SCAPER: variants seen among roughly 807,000 people sequenced by gnomAD.
The protein encoded by SCAPER is S phase cyclin A-associated protein in the endoplasmic reticulum.
In SCAPER, 98 loss-of-function variants were observed where a neutral mutation model predicts 182.2. The ratio of observed to expected loss-of-function variants is 0.54; its 90% CI spans 0.46 to 0.64. The LOEUF (loss-of-function observed/expected upper bound fraction) is 0.64, where lower values mean the gene tolerates loss of function less well. Among genes scored for constraint, SCAPER ranks in the 30% least tolerant of loss-of-function variants. The pLI is 0.00. For missense variants in SCAPER, 1,432 were observed against 1,690.0 expected, an observed-to-expected ratio of 0.85 and a Z score of 2.68; for synonymous variants, 605 against 564.6, an observed-to-expected ratio of 1.07 and a Z score of -1.01.
intron 23 of SCAPER, among the ~76,000 whole-genome samples, chr15:76,515,344 C>G (rs1040370322): frequency 6.6e-6 from 1 of 152,178 alleles, no homozygotes; most frequent in African/African-American, 2.4e-5. Context: ...TGGTCTTTCT[C>G]TTTCTTTTTA....
At chr15:76,787,122 G>A (rs1226403150) in intron 8 of SCAPER, among the ~76,000 whole-genome samples, 1 of 152,032 alleles carries the variant, frequency 6.6e-6, no homozygotes. Flanking sequence ...TAACATTTTT[G>A]ATGTAAATAA....
At chr15:76,840,349 G>A (rs188452679) in intron 5 of SCAPER, among the ~76,000 whole-genome samples, 166 of 151,424 alleles carry the variant, frequency 1.1e-3, no homozygotes, top group Admixed American at 1.9e-3. Context: ...GAGCCCAGAA[G>A]GTCAAGGCTT....
chr15:76,846,330 A>C (rs541007304), intron 4 of SCAPER, among the ~76,000 whole-genome samples: 8 of 152,136 alleles, frequency 5.3e-5, no homozygotes, highest in Non-Finnish European at 1.2e-4. Context: ...GCAACAATGC[A>C]AAAATGTACA....
At chr15:76,886,908 C>A (rs1007927624) in intron 1 of SCAPER, among the ~76,000 whole-genome samples, 1 of 152,108 alleles carries the variant, frequency 6.6e-6, no homozygotes, top group South Asian at 2.1e-4. Context: ...GAACAGAAAA[C>A]CAAACACCGC....
chr15:76,665,572 CT>C (rs1474366308), intron 21 of SCAPER, 80 bp downstream of exon 21: 6 of 1,450,892 alleles, frequency 4.1e-6, no homozygotes, highest in East Asian at 4.8e-5. Flanking sequence ...CAACTTTAAA[CT>C]TTTTTTGTCT....
At chr15:76,779,787 T>C (rs1568110989) in intron 8 of SCAPER, among the ~76,000 whole-genome samples, 1 of 151,978 alleles carries the variant, frequency 6.6e-6, no homozygotes, top group Non-Finnish European at 1.5e-5. Flanking sequence ...CGCAAACATT[T>C]TCAACAAAAT....
intron 5 of SCAPER, among the ~76,000 whole-genome samples, chr15:76,817,702 G>A (rs1231344307): frequency 6.6e-6 from 1 of 151,900 alleles, no homozygotes; most frequent in East Asian, 1.9e-4. Flanking sequence ...AAATATATAT[G>A]TAAATAAACA....
rs117838769 is a variant in SCAPER, at chr15:76,671,112, G to A, written c.2509-5323C>T. On this transcript the variant is annotated intron_variant, in intron 20 of 31. Coordinates refer to ENST00000563290, the MANE Select transcript of SCAPER (RefSeq NM_020843.4). ...TCCCAGCACTTTGGGAGGCAGAGGC[G>A]GGTGGATCGTCGAGCCCAGGAGTTC... 9.1e-3 allele frequency among the ~76,000 whole-genome samples: 1,381 copies of A among 152,182 alleles called. 7 individuals carry two copies. The highest frequency in any genetic ancestry group is 0.014 in the Non-Finnish European group (978 of 68,004).
At chr15:76,666,756 T>C (rs569335103) in intron 20 of SCAPER, among the ~76,000 whole-genome samples, 157 of 152,322 alleles carry the variant, frequency 1.0e-3, no homozygotes, top group African/African-American at 3.6e-3. Flanking sequence ...TTCATGACTA[T>C]GTTTATTTGA....
chr15:76,616,305 C>T (rs990893114), intron 22 of SCAPER, among the ~76,000 whole-genome samples: 4 of 152,088 alleles, frequency 2.6e-5, no homozygotes, highest in Non-Finnish European at 5.9e-5. Flanking sequence ...GATGAATATT[C>T]TTATCCTTGG....
Position 76,886,451 on chromosome 15 carries a change from G to C in SCAPER, c.-59-2575C>G, listed in dbSNP as rs148321760. ...GCCAAGGTTGTGCCACTGCACTCCA[G>C]CCTGGGCAACAGAGTGAGACTCTCT... is the stretch of plus-strand genomic sequence containing the variant. On this transcript the variant is annotated intron_variant, in intron 1 of 31. Coordinates refer to ENST00000563290, the MANE Select transcript of SCAPER (RefSeq NM_020843.4). Among the ~76,000 whole-genome samples the C allele has an allele frequency of 5.4e-3, 816 of 152,306 alleles. 6 individuals are homozygous for C. The highest frequency in any genetic ancestry group is 0.019 in the African/African-American group (790 of 41,562).
At position 76,681,740 on chromosome 15, in the gene SCAPER, G is replaced by A. The variant is rs955325530; in HGVS notation, c.2509-15951C>T. Among the ~76,000 whole-genome samples, 17 of 152,172 alleles carry A rather than the reference G, an allele frequency of 1.1e-4. 1 individual carries two copies. The highest frequency in any genetic ancestry group is 3.6e-4 in the African/African-American group (15 of 41,448). ...GATCCCTGGAATCCTAGCAGCAGAA[G>A]ACATCACAACTACCACAGACACTTA... On this transcript the variant is annotated intron_variant, in intron 20 of 31. Coordinates refer to ENST00000563290, the MANE Select transcript of SCAPER (RefSeq NM_020843.4).
At chr15:76,783,893 T>C (rs1568126445) in intron 8 of SCAPER, among the ~76,000 whole-genome samples, 1 of 152,176 alleles carries the variant, frequency 6.6e-6, no homozygotes. Context: ...CTCAAAATAA[T>C]AAGAGCTATT....
At chr15:76,844,104 A>T (rs1482335910) in intron 4 of SCAPER, among the ~76,000 whole-genome samples, 2 of 152,096 alleles carry the variant, frequency 1.3e-5, no homozygotes, top group Non-Finnish European at 1.5e-5. Flanking sequence ...CAGAATTCTT[A>T]ATCGGGTAAC....
intron 5 of SCAPER, among the ~76,000 whole-genome samples, chr15:76,809,444 G>A (rs1312940128): frequency 6.6e-6 from 1 of 151,984 alleles, no homozygotes; most frequent in Non-Finnish European, 1.5e-5. Context: ...AGATCATATA[G>A]CTGAAGAATA....
intron 25 of SCAPER, among the ~76,000 whole-genome samples, chr15:76,457,089 G>T (rs1391413900): frequency 5.3e-5 from 8 of 149,668 alleles, no homozygotes; most frequent in Non-Finnish European, 8.9e-5. Context: ...TTTAGATGGA[G>T]TCTCGCTTGG....
At chr15:76,754,073 A>G in intron 14 of SCAPER, 125 bp from the exon 15 acceptor site, 1 of 1,024,608 alleles carries the variant, frequency 9.8e-7, no homozygotes, top group Non-Finnish European at 1.4e-6. Context: ...CAACATGACT[A>G]ACAATTAAGG....
In SCAPER at chr15:76,602,225, T is replaced by C. The variant is rs1031542431; in HGVS notation, c.2711+19539A>G. ...TCGTTCTTCAAAATTATTCCTTTTG[T>C]TATACAGATCTGAGTTTCTGATCTG... On this transcript the variant is annotated intron_variant, in intron 22 of 31. Coordinates refer to ENST00000563290, the MANE Select transcript of SCAPER (RefSeq NM_020843.4). 7.4e-5 allele frequency among the ~76,000 whole-genome samples: 9 copies of C among 122,338 alleles called. 1 individual carries two copies. The highest frequency in any genetic ancestry group is 2.3e-4 in the African/African-American group (9 of 39,988). 80.3% of individuals were successfully genotyped at this position (122,338 alleles called of 152,430 possible).
At chr15:76,707,962 T>TTTGGAAAC (rs1305137940) in intron 17 of SCAPER, among the ~76,000 whole-genome samples, 1 of 152,124 alleles carries the variant, frequency 6.6e-6, no homozygotes, top group Non-Finnish European at 1.5e-5. Flanking sequence ...TCCCCAAATA[T>TTTGGAAAC]TTGGAAACTA....
Sources: allele counts gnomAD v4.1 joint callset (sites outside exome capture counted in the v4.1 genomes callset), GRCh38; gene constraint gnomAD v4.1.1; transcripts MANE v1.5; gene names NCBI Gene and HGNC (gene_info 2026-07-23, HGNC 2026-07-21).